Variants in WWOX observed in about 807,000 individuals in gnomAD.
The protein encoded by WWOX is WW domain containing oxidoreductase.
WWOX carries 69 observed loss-of-function variants against 46.2 expected under a neutral mutation model. The observed-to-expected ratio is 1.49, with a 90% CI of 1.23 to 1.82. The LOEUF is 1.82. WWOX is among the 40% of genes most tolerant of loss of function. WWOX has a pLI of 0.00. For synonymous variants in WWOX, 359 were observed against 202.6 expected, an observed-to-expected ratio of 1.77 and a Z score of -6.56; for missense variants, 919 against 542.6, an observed-to-expected ratio of 1.69 and a Z score of -6.89.
At chr16:78,969,576 C>G (rs1380446559) in intron 8 of WWOX, among the ~76,000 whole-genome samples, 3 of 152,178 alleles carry the variant, frequency 2.0e-5, no homozygotes, top group Non-Finnish European at 4.4e-5. Flanking sequence ...CAGCCACTCT[C>G]TTTCAACTAG....
At chr16:78,551,518 C>A (rs117444206) in intron 8 of WWOX, 1 of 152,296 alleles carries the variant, frequency 6.6e-6, no homozygotes, top group Non-Finnish European at 1.5e-5. Flanking sequence ...TGTTCTGTTC[C>A]TGTCTCTGGT....
chr16:78,171,474 G>A (rs905704557), intron 5 of WWOX, among the ~76,000 whole-genome samples: 1 of 152,050 alleles, frequency 6.6e-6, no homozygotes, highest in Non-Finnish European at 1.5e-5. Context: ...ATATGTGTTG[G>A]GGGGAGGCAT....
chr16:79,206,555 C>G (rs1350989662), intron 8 of WWOX: 2 of 152,202 alleles, frequency 1.3e-5, no homozygotes, highest in Non-Finnish European at 2.9e-5. Flanking sequence ...AAATCGTAAC[C>G]TCTCAATAAA....
intron 5 of WWOX, among the ~76,000 whole-genome samples, chr16:78,186,231 T>C (rs2035699451): frequency 6.6e-6 from 1 of 150,512 alleles, no homozygotes; most frequent in South Asian, 2.1e-4. Flanking sequence ...TTAATCTGTT[T>C]CTTTTTACCT....
intron 5 of WWOX, among the ~76,000 whole-genome samples, chr16:78,260,993 T>A (rs1389460947): frequency 2.7e-5 from 4 of 148,228 alleles, no homozygotes; most frequent in Admixed American, 1.3e-4. Context: ...TTACAAGTAA[T>A]AATGAAAGTA....
At chr16:79,117,616 C>T (rs764954817) in intron 8 of WWOX, among the ~76,000 whole-genome samples, 26 of 152,250 alleles carry the variant, frequency 1.7e-4, no homozygotes, top group Non-Finnish European at 3.7e-4. Flanking sequence ...ACAGCATCTT[C>T]TTCCAACAGA....
At chr16:78,926,285 A>T (rs2045495713) in intron 8 of WWOX, among the ~76,000 whole-genome samples, 1 of 151,826 alleles carries the variant, frequency 6.6e-6, no homozygotes, top group Non-Finnish European at 1.5e-5. Flanking sequence ...AAGTGGGAGG[A>T]TATCCTGAGC....
chr16:78,655,911 A>T (rs746567633), intron 8 of WWOX, among the ~76,000 whole-genome samples: 1 of 152,032 alleles, frequency 6.6e-6, no homozygotes, highest in African/African-American at 2.4e-5. Flanking sequence ...TCTGTATTCG[A>T]GCGTGGTTAT....
intron 8 of WWOX, among the ~76,000 whole-genome samples, chr16:79,080,018 C>G (rs904910613): frequency 1.3e-5 from 2 of 152,172 alleles, no homozygotes; most frequent in East Asian, 3.9e-4. Flanking sequence ...CGATACCACG[C>G]ACTGCTTTAG....
chr16:78,852,465 A>C (rs77852333), intron 8 of WWOX, among the ~76,000 whole-genome samples: 4 of 152,192 alleles, frequency 2.6e-5, no homozygotes, highest in Admixed American at 2.0e-4. Context: ...GGCTTCCAAC[A>C]GTCAGACCAG....
At chr16:78,649,584 C>G (rs115182516) in intron 8 of WWOX, among the ~76,000 whole-genome samples, 1 of 152,164 alleles carries the variant, frequency 6.6e-6, no homozygotes, top group East Asian at 1.9e-4. Flanking sequence ...GCTCTTCCCC[C>G]GTTTGTTAAT....
chr16:78,474,670 CCA>C (rs1191280870), intron 8 of WWOX, among the ~76,000 whole-genome samples: 54 of 152,196 alleles, frequency 3.5e-4, no homozygotes, highest in African/African-American at 1.2e-3. Flanking sequence ...GCAACCATTG[CCA>C]CAGTCAGTTT....
chr16:78,715,444 C>T (rs6564580), intron 8 of WWOX, among the ~76,000 whole-genome samples: 58,389 of 150,158 alleles, frequency 0.39, 11,802 homozygotes, highest in African/African-American at 0.49. Flanking sequence ...TTTTTACCAG[C>T]TGGGTCTGAC....
chr16:79,193,724 C>T (rs779134222), intron 8 of WWOX, among the ~76,000 whole-genome samples: 20 of 152,176 alleles, frequency 1.3e-4, no homozygotes, highest in Non-Finnish European at 2.5e-4. Context: ...AGAGGAAAGT[C>T]CCCACTTGGG....
chr16:78,802,591 G>C (rs2050919377), intron 8 of WWOX, among the ~76,000 whole-genome samples: 1 of 152,018 alleles, frequency 6.6e-6, no homozygotes, highest in South Asian at 2.1e-4. Flanking sequence ...ATAAATATTT[G>C]TGAATATAGT....
At chr16:78,173,702 C>A (rs1251255734) in intron 5 of WWOX, among the ~76,000 whole-genome samples, 1 of 152,112 alleles carries the variant, frequency 6.6e-6, no homozygotes, top group African/African-American at 2.4e-5. Flanking sequence ...GCAGGGAAAG[C>A]TAACTTGTCC....
intron 5 of WWOX, among the ~76,000 whole-genome samples, chr16:78,309,271 C>G (rs777090919): frequency 1.3e-5 from 2 of 152,220 alleles, no homozygotes; most frequent in Non-Finnish European, 2.9e-5. Context: ...GGTAGTTTCT[C>G]TGCGTTCATT....
chr16:78,429,198 T>G (rs1338764313), intron 7 of WWOX, among the ~76,000 whole-genome samples: 2 of 152,190 alleles, frequency 1.3e-5, no homozygotes. Context: ...ACTTACAGTC[T>G]GGTATGGTGA....
At chr16:78,572,000 C>G (rs148003535) in intron 8 of WWOX, among the ~76,000 whole-genome samples, 2 of 152,282 alleles carry the variant, frequency 1.3e-5, no homozygotes, top group African/African-American at 4.8e-5. Context: ...CATTACTGAA[C>G]TGAAACAGCC....
Sources: gnomAD v4.1 joint callset for allele counts (sites outside exome capture counted in the v4.1 genomes callset) on GRCh38, gnomAD v4.1.1 for gene constraint, MANE v1.5 for transcripts, NCBI Gene and HGNC (gene_info 2026-07-23, HGNC 2026-07-21) for gene names.